Variants in C11orf65 observed in about 807,000 individuals in gnomAD.
C11orf65 encodes the protein protein MFI.
A neutral mutation model predicts 35.3 loss-of-function variants in C11orf65; 38 were observed. The ratio of observed to expected loss-of-function variants is 1.08; its 90% confidence interval spans 0.83 to 1.41. The LOEUF is 1.41. C11orf65 is among the 40% of genes most tolerant of loss of function. The pLI is 0.00. For missense variants in C11orf65, 370 were observed against 367.1 expected (o/e 1.01, Z -0.06); for synonymous variants, 105 against 114.4 (o/e 0.92, Z 0.53).
At chr11:108,440,026 T>C (rs1291309247) in intron 2 of C11orf65, among the ~76,000 whole-genome samples, 1 of 152,172 alleles carries the variant, frequency 6.6e-6, no homozygotes, top group Non-Finnish European at 1.5e-5. Flanking sequence ...AGAATAATAA[T>C]GTCTCCTGGT....
At chr11:108,408,022 T>TTAC (rs1419362537) in intron 3 of C11orf65, among the ~76,000 whole-genome samples, 1 of 144,094 alleles carries the variant, frequency 6.9e-6, no homozygotes, top group Non-Finnish European at 1.5e-5. Context: ...ATTATTATTA[T>TTAC]TATTATTTTA....
At chr11:108,450,145 G>T (rs2093326438) in intron 2 of C11orf65, among the ~76,000 whole-genome samples, 1 of 151,978 alleles carries the variant, frequency 6.6e-6, no homozygotes, top group African/African-American at 2.4e-5. Context: ...AGGTGCTGGA[G>T]AGGATGTGGA....
Position 108,462,046 on chromosome 11 carries a change from C to A in C11orf65, c.-9-478G>T, listed in dbSNP as rs146185091. Among the ~76,000 whole-genome samples, 32 of 152,016 alleles carry A rather than the reference C, an allele frequency of 2.1e-4. 2 individuals carry two copies. In the East Asian group the frequency reaches 5.2e-3, roughly 25 times the overall value. Reference sequence around the variant, plus strand: ...AAAATAATAAAAATAAAAATAGTCACCTTCTTATTTTTTAAGAGACAGAGT... The same window carrying A: ...AAAATAATAAAAATAAAAATAGTCAACTTCTTATTTTTTAAGAGACAGAGT... On this transcript the variant is annotated intron_variant, in intron 1 of 8. Transcript: ENST00000393084.
chr11:108,415,415 A>C (rs1283810447), intron 3 of C11orf65, among the ~76,000 whole-genome samples: 1 of 152,196 alleles, frequency 6.6e-6, no homozygotes, highest in African/African-American at 2.4e-5. Flanking sequence ...ATAAAAATCG[A>C]TATGAGGGAA....
At chr11:108,372,749 A>C (rs80068336) in intron 2 of C11orf65, among the ~76,000 whole-genome samples, 7,229 of 152,288 alleles carry the variant, frequency 0.047, 231 homozygotes, top group Non-Finnish European at 0.071. Flanking sequence ...TATTAGAATA[A>C]CCCATTTTAT....
intron 3 of C11orf65, among the ~76,000 whole-genome samples, chr11:108,414,324 A>G (rs2092701130): frequency 6.6e-6 from 1 of 151,986 alleles, no homozygotes; most frequent in Admixed American, 6.6e-5. Flanking sequence ...TTGGAATAAA[A>G]TTTGTAAAGA....
At chr11:108,432,176 T>C (rs934355313) in intron 2 of C11orf65, among the ~76,000 whole-genome samples, 12 of 152,188 alleles carry the variant, frequency 7.9e-5, no homozygotes, top group African/African-American at 2.9e-4. Context: ...CCACTGAGTA[T>C]GGGATACTCT....
chr11:108,433,805 C>T (rs1279131677), intron 2 of C11orf65, among the ~76,000 whole-genome samples: 1 of 151,748 alleles, frequency 6.6e-6, no homozygotes, highest in African/African-American at 2.4e-5. Context: ...GCTTCACTTG[C>T]AGTACAGAGA....
intron 6 of C11orf65, among the ~76,000 whole-genome samples, chr11:108,319,466 T>G (rs1443873925): frequency 6.6e-6 from 1 of 152,216 alleles, no homozygotes; most frequent in African/African-American, 2.4e-5. Flanking sequence ...GGACCCTAGT[T>G]AAATAATAAT....
chr11:108,440,842 G>A (rs566546676), intron 2 of C11orf65, among the ~76,000 whole-genome samples: 20 of 152,306 alleles, frequency 1.3e-4, no homozygotes, highest in South Asian at 2.1e-4. Flanking sequence ...AAATATGACC[G>A]ATAGGAAGAG....
intron 2 of C11orf65, chr11:108,368,829 A>G (rs2091461285): frequency 9.8e-6 from 2 of 203,844 alleles, no homozygotes; most frequent in Non-Finnish European, 2.0e-5. Flanking sequence ...CCTAAAATGT[A>G]TGCACTTAGG....
intron 2 of C11orf65, chr11:108,366,844 T>C: frequency 4.4e-6 from 1 of 229,202 alleles, no homozygotes; most frequent in Non-Finnish European, 8.7e-6. Context: ...GTACATTTAA[T>C]TCCCACTGCC....
At chr11:108,312,854 A>C (rs1001747363) in intron 6 of C11orf65, among the ~76,000 whole-genome samples, 50 of 152,184 alleles carry the variant, frequency 3.3e-4, no homozygotes, top group African/African-American at 1.1e-3. Flanking sequence ...GTTACAGAAG[A>C]AGCAGATTGC....
intron 5 of C11orf65, 75 bp downstream of exon 5, chr11:108,406,688 T>G: frequency 2.0e-6 from 2 of 984,306 alleles, no homozygotes; most frequent in Non-Finnish European, 2.8e-6. Flanking sequence ...AAAAATAATT[T>G]TAAAATTAAT....
chr11:108,316,474 A>G (rs749196160), intron 6 of C11orf65, among the ~76,000 whole-genome samples: 1 of 152,094 alleles, frequency 6.6e-6, no homozygotes, highest in Non-Finnish European at 1.5e-5. Flanking sequence ...TATTTCTCAT[A>G]GTTTGCAACA....
In C11orf65 at chr11:108,331,670, AT is replaced by A. The variant is rs2086251214; in HGVS notation, c.300-104del. On this transcript the variant is annotated intron_variant, in intron 3 of 3. Transcript: ENST00000524755. ...AAGAAATGGAAATACAAAATTTTGT[AT>A]TTTTTGTCTTCTCACATCACATAAG... 4.3e-6 allele frequency: 6 copies of A among 1,390,678 alleles called. No individual in the cohort carries two copies. The East Asian group carries it at 1.5e-4, about 35-fold the overall frequency. The allele number at this position is 1,390,678 out of a possible 1,614,324, so 86.1% of individuals were successfully genotyped here. A position where few individuals can be genotyped will look rare whatever the true frequency, so the allele number is the denominator to read the frequency against.
intron 2 of C11orf65, among the ~76,000 whole-genome samples, chr11:108,452,205 A>G (rs577494720): frequency 3.3e-5 from 5 of 152,320 alleles, no homozygotes; most frequent in African/African-American, 1.2e-4. Flanking sequence ...AACTACCATC[A>G]GAGTGAACAG....
chr11:108,308,987 A>G, exon 7 of C11orf65: 1 of 1,523,844 alleles, frequency 6.6e-7, no homozygotes, highest in Non-Finnish European at 8.8e-7. Context: ...TTGGGGTAGA[A>G]TGGTGTTGAC....
At chr11:108,366,357 T>C (rs2091330801) in intron 2 of C11orf65, 2 of 214,632 alleles carry the variant, frequency 9.3e-6, no homozygotes, top group Middle Eastern at 1.5e-3. Context: ...TAATTATGCA[T>C]CATTTTTCAG....
Sources: allele counts gnomAD v4.1 joint callset (sites outside exome capture counted in the v4.1 genomes callset), GRCh38; gene constraint gnomAD v4.1.1; transcripts MANE v1.5; gene names NCBI Gene and HGNC (gene_info 2026-07-23, HGNC 2026-07-21).